Variants in GRK3 observed in about 807,000 individuals in gnomAD.
The protein encoded by GRK3 is adrenergic, beta, receptor kinase 2.
GRK3 carries 54 observed loss-of-function variants against 95.7 expected under a neutral mutation model. The ratio of observed to expected loss-of-function variants is 0.56; its 90% CI spans 0.45 to 0.71. The LOEUF (loss-of-function observed/expected upper bound fraction) is 0.71. GRK3 is among the 30% of genes least tolerant of loss of function. The pLI is 0.00. For synonymous variants in GRK3, 281 were observed against 290.8 expected, an observed-to-expected ratio of 0.97 and a Z score of 0.34; for missense variants, 649 against 851.2, an observed-to-expected ratio of 0.76 and a Z score of 2.96.
Position 25,690,209 on chromosome 22 carries a change from T to A in GRK3, c.978T>A (p.Asp326Glu). Residue 326 changes from aspartate to glutamate, a missense_variant, in exon 12 of 21, where the codon GAT (aspartate) becomes GAA (glutamate). Around this residue, in one of 3 missense-constraint regions of GRK3, gnomAD observed 382 missense variants for 493.8 expected, o/e 0.77. Coordinates refer to ENST00000324198, the MANE Select transcript of GRK3 (RefSeq NM_005160.4). The stretch of plus-strand genomic sequence containing the variant: ...TTTAGCCAGCAAATATTCTCTTGGA[T>A]GAACATGGACACGCAAGAATATCAG... ...RDLKPANILL[D>E]EHGHARISDL... 3.7e-6 allele frequency: 6 copies of A among 1,614,024 alleles called. No homozygotes were observed. Among genetic ancestry groups the A allele is most frequent in the Non-Finnish European group, 5.1e-6 (6 of 1,179,932 alleles).
At chr22:25,722,202 G>A in intron 20 of GRK3, 87 bp from the exon 21 acceptor site, 1 of 1,493,596 alleles carries the variant, frequency 6.7e-7, no homozygotes, top group Non-Finnish European at 9.2e-7. Context: ...AGGGGTTCCA[G>A]GGACGCTGGT....
At position 25,728,085 on chromosome 22, in the gene GRK3, G is replaced by T; in HGVS notation, c.*5635G>T. ...GTCAAAAACATTCCATATTATTTCTGCTCCTTTTTATTTGTATAGTTTGTT... is the reference window on the plus strand; with the variant it reads ...GTCAAAAACATTCCATATTATTTCTTCTCCTTTTTATTTGTATAGTTTGTT... On this transcript the variant is annotated 3_prime_UTR_variant, in exon 21 of 21. Coordinates refer to ENST00000324198, the MANE Select transcript of GRK3 (RefSeq NM_005160.4). 1.3e-5 allele frequency: 2 copies of T among 152,198 alleles called. 1 individual carries two copies. Among genetic ancestry groups the T allele is most frequent in the South Asian group, 4.2e-4 (2 of 4,818 alleles). 9.4% of individuals were successfully genotyped at this position (152,198 alleles called of 1,614,324 possible). A position where few individuals can be genotyped will look rare whatever the true frequency, so the allele number is the denominator to read the frequency against.
chr22:25,594,415 G>A (rs756087659), intron 1 of GRK3, among the ~76,000 whole-genome samples: 35 of 152,138 alleles, frequency 2.3e-4, no homozygotes, highest in Non-Finnish European at 4.3e-4. Context: ...AAAACTACAG[G>A]CCAACATCCC....
chr22:25,660,238 A>G (rs759651379), intron 3 of GRK3, among the ~76,000 whole-genome samples: 1 of 152,190 alleles, frequency 6.6e-6, no homozygotes, highest in Admixed American at 6.5e-5. Flanking sequence ...CACATCTGGT[A>G]TGGTGCTTGG....
At chr22:25,716,762 C>G (rs932232384) in intron 18 of GRK3, among the ~76,000 whole-genome samples, 1 of 152,198 alleles carries the variant, frequency 6.6e-6, no homozygotes, top group Non-Finnish European at 1.5e-5. Flanking sequence ...AAAAGCCATA[C>G]AGCAGGGGTT....
intron 17 of GRK3, among the ~76,000 whole-genome samples, chr22:25,713,531 C>T (rs898685711): frequency 1.3e-5 from 2 of 152,218 alleles, no homozygotes; most frequent in Middle Eastern, 3.4e-3. Flanking sequence ...TTGCCCTTCT[C>T]AGTATTTTGC....
chr22:25,671,560 A>C (rs1251724272), intron 6 of GRK3, among the ~76,000 whole-genome samples: 4 of 152,090 alleles, frequency 2.6e-5, no homozygotes, highest in Non-Finnish European at 5.9e-5. Flanking sequence ...CTTCTATACC[A>C]CCTGTGTCTA....
rs183465151 is a variant in GRK3, at chr22:25,593,646, G to C, written c.114-10731G>C. Among the ~76,000 whole-genome samples the C allele has an allele frequency of 2.7e-3, 415 of 152,264 alleles. 3 individuals carry two copies. Among genetic ancestry groups the C allele is most frequent in the Non-Finnish European group, 2.4e-3 (165 of 68,022 alleles). On this transcript the variant is annotated intron_variant, in intron 1 of 20. Coordinates refer to ENST00000324198, the MANE Select transcript of GRK3 (RefSeq NM_005160.4). ...AATATTTTCTCTCATTCTGTAGGGTGTCTGTTTACTCTGTTGATAGTTTCT... is the reference window on the plus strand; with the variant it reads ...AATATTTTCTCTCATTCTGTAGGGTCTCTGTTTACTCTGTTGATAGTTTCT...
At chr22:25,587,136 C>T (rs575824475) in intron 1 of GRK3, among the ~76,000 whole-genome samples, 2 of 152,310 alleles carry the variant, frequency 1.3e-5, no homozygotes, top group African/African-American at 2.4e-5. Context: ...GGTGATCCCC[C>T]TGCCTCAGCC....
At chr22:25,706,645 C>T (rs1035558036) in intron 15 of GRK3, among the ~76,000 whole-genome samples, 3 of 152,278 alleles carry the variant, frequency 2.0e-5, no homozygotes, top group African/African-American at 7.2e-5. Context: ...ATTCTCCTGC[C>T]TCAGCTTCCC....
chr22:25,673,472 G>C (rs954195177), intron 7 of GRK3, among the ~76,000 whole-genome samples: 23 of 151,202 alleles, frequency 1.5e-4, no homozygotes, highest in African/African-American at 5.1e-4. Flanking sequence ...TTCCTGGAAG[G>C]ATTTAGAAGC....
intron 3 of GRK3, among the ~76,000 whole-genome samples, chr22:25,650,215 A>G (rs541228578): frequency 3.3e-5 from 5 of 151,938 alleles, no homozygotes; most frequent in African/African-American, 9.6e-5. Context: ...CTAATTTTTT[A>G]TATCTTTAGT....
At chr22:25,687,734 T>A in intron 11 of GRK3, 67 bp downstream of exon 11, 1 of 1,560,380 alleles carries the variant, frequency 6.4e-7, no homozygotes, top group East Asian at 2.3e-5. Context: ...AGAAGTCCCC[T>A]TCTATTTCAT....
intron 3 of GRK3, among the ~76,000 whole-genome samples, chr22:25,661,175 A>C (rs1403664303): frequency 2.0e-5 from 3 of 152,196 alleles, no homozygotes; most frequent in Non-Finnish European, 4.4e-5. Context: ...ACTGCAGTTG[A>C]GTGAGAACAT....
chr22:25,716,298 C>CT (rs1210314989), intron 18 of GRK3, among the ~76,000 whole-genome samples: 6 of 152,128 alleles, frequency 3.9e-5, no homozygotes, highest in African/African-American at 1.4e-4. Context: ...ATAAGCTCTT[C>CT]TTTAGAGAAC....
At chr22:25,654,450 A>T (rs1172315255) in intron 3 of GRK3, among the ~76,000 whole-genome samples, 4 of 152,202 alleles carry the variant, frequency 2.6e-5, no homozygotes, top group African/African-American at 9.6e-5. Flanking sequence ...AAATTATGTT[A>T]ATGTATTTTT....
chr22:25,673,008 ATTT>A (rs3884806), intron 7 of GRK3, among the ~76,000 whole-genome samples: 3,517 of 110,462 alleles, frequency 0.032, 47 homozygotes, highest in African/African-American at 0.057. Flanking sequence ...ATCAACCGGA[ATTT>A]TTTTTTTTTT....
intron 13 of GRK3, among the ~76,000 whole-genome samples, chr22:25,699,345 A>G (rs1464737097): frequency 1.3e-5 from 2 of 152,172 alleles, no homozygotes; most frequent in Admixed American, 1.3e-4. Context: ...TCTGAGGCAC[A>G]GGCTTGGGCA....
chr22:25,573,689 A>G (rs41258355), intron 1 of GRK3, among the ~76,000 whole-genome samples: 4,509 of 152,318 alleles, frequency 0.03, 120 homozygotes, highest in Middle Eastern at 0.068. Flanking sequence ...ACCTGAGGTC[A>G]GGAGTTCAAG....
Sources: allele counts gnomAD v4.1 joint callset (sites outside exome capture counted in the v4.1 genomes callset), GRCh38; gene constraint gnomAD v4.1.1; regional missense constraint gnomAD v4.1.1; transcripts MANE v1.5; gene names NCBI Gene and HGNC (gene_info 2026-07-23, HGNC 2026-07-21).